Variants in ETHE1 observed in about 807,000 individuals in gnomAD.
The protein encoded by ETHE1 is persulfide dioxygenase ETHE1, mitochondrial.
ETHE1 carries 16 observed loss-of-function variants against 25.7 expected under a neutral mutation model. The ratio of observed to expected loss-of-function variants is 0.62; its 90% CI spans 0.42 to 0.95. The LOEUF is 0.95. Ranked by LOEUF, ETHE1 falls within the 40% of genes least tolerant of loss-of-function variation. ETHE1 has a pLI of 0.00. For synonymous variants in ETHE1, 139 were observed against 135.9 expected, an observed-to-expected ratio of 1.02 and a Z score of -0.16; for missense variants, 300 against 333.6, an observed-to-expected ratio of 0.90 and a Z score of 0.79.
At chr19:43,509,376 A>T (rs1971860544) in intron 4 of ETHE1, among the ~76,000 whole-genome samples, 1 of 152,040 alleles carries the variant, frequency 6.6e-6, no homozygotes, top group Non-Finnish European at 1.5e-5. Context: ...CCATGCCTGT[A>T]ATCCCAGCTA....
intron 3 of ETHE1, among the ~76,000 whole-genome samples, chr19:43,521,457 G>A (rs1972137384): frequency 6.6e-6 from 1 of 152,152 alleles, no homozygotes; most frequent in Non-Finnish European, 1.5e-5. Flanking sequence ...GAGCAAGGGT[G>A]TCTCTGGGCT....
intron 3 of ETHE1, among the ~76,000 whole-genome samples, chr19:43,520,671 G>A (rs1036316650): frequency 1.3e-5 from 2 of 151,216 alleles, no homozygotes; most frequent in Non-Finnish European, 2.9e-5. Flanking sequence ...CTGCACTCCA[G>A]CCTGGATGAC....
intron 6 of ETHE1, among the ~76,000 whole-genome samples, chr19:43,507,393 CT>C (rs1971802245): frequency 1.8e-4 from 8 of 45,552 alleles, no homozygotes; most frequent in Non-Finnish European, 2.4e-4. Context: ...AGGCCCCCAG[CT>C]CCTCCTCCCC....
chr19:43,526,166 C>A, intron 3 of ETHE1, 35 bp downstream of exon 3: 7 of 1,614,010 alleles, frequency 4.3e-6, no homozygotes, highest in Non-Finnish European at 5.9e-6. Flanking sequence ...GAAGTCCAGG[C>A]CACCACCCTC....
At chr19:43,521,372 G>A (rs1053676755) in intron 3 of ETHE1, among the ~76,000 whole-genome samples, 9 of 152,044 alleles carry the variant, frequency 5.9e-5, no homozygotes, top group Middle Eastern at 3.4e-3. Context: ...GCCTTGTAGC[G>A]TCATCATGTA....
intron 3 of ETHE1, among the ~76,000 whole-genome samples, chr19:43,520,913 G>A (rs1972126128): frequency 6.6e-6 from 1 of 152,002 alleles, no homozygotes; most frequent in African/African-American, 2.4e-5. Flanking sequence ...TGATTCTAAG[G>A]GACCTGGGGG....
Position 43,508,889 on chromosome 19 carries a change from A to G in ETHE1, c.506-25T>C, listed in dbSNP as rs776316185. On this transcript the variant is annotated intron_variant, in intron 4 of 6. Coordinates refer to ENST00000292147, the MANE Select transcript of ETHE1 (RefSeq NM_014297.5). ...CCTGGGGAAGGAAAGATCAGAGGTC[A>G]GTGGATCAACAGGACAGAAGACTCT... The G allele has an allele frequency of 1.1e-5, 18 of 1,565,750 alleles. 1 individual carries two copies. Among genetic ancestry groups the G allele is most frequent in the African/African-American group, 4.0e-5 (3 of 74,212 alleles).
chr19:43,521,050 G>C (rs537221296), intron 3 of ETHE1, among the ~76,000 whole-genome samples: 5 of 152,138 alleles, frequency 3.3e-5, no homozygotes, highest in Admixed American at 2.0e-4. Flanking sequence ...AAGAAAACTT[G>C]GGCCAGGTGC....
At chr19:43,511,687 A>T (rs1971921772) in intron 3 of ETHE1, 121 bp from the exon 4 acceptor site, 1 of 1,107,868 alleles carries the variant, frequency 9.0e-7, no homozygotes, top group African/African-American at 1.6e-5. Flanking sequence ...AAAAATGTAG[A>T]TTCCCAGGCT....
chr19:43,511,338 A>T (rs936527831), intron 4 of ETHE1, 99 bp downstream of exon 4: 1 of 1,567,340 alleles, frequency 6.4e-7, no homozygotes, highest in African/African-American at 1.4e-5. Context: ...GCCCCCTAAA[A>T]GTCTAATGTC....
chr19:43,512,683 T>C (rs546971738), intron 3 of ETHE1, among the ~76,000 whole-genome samples: 1 of 152,188 alleles, frequency 6.6e-6, no homozygotes, highest in Non-Finnish European at 1.5e-5. Context: ...AATTGGAACC[T>C]ATGTTTAAAA....
At chr19:43,516,132 C>G (rs1248872975) in intron 3 of ETHE1, among the ~76,000 whole-genome samples, 1 of 152,102 alleles carries the variant, frequency 6.6e-6, no homozygotes, top group African/African-American at 2.4e-5. Context: ...AAAGTGAAAC[C>G]ACAGGTAAAG....
chr19:43,517,020 C>T lies in ETHE1; in HGVS notation c.376-5454G>A, dbSNP rs536746198. Among the ~76,000 whole-genome samples, 19 of 151,506 alleles carry T rather than the reference C, an allele frequency of 1.3e-4. 1 individual carries two copies. The East Asian group carries it at 3.5e-3, about 28-fold the overall frequency. The stretch of plus-strand genomic sequence containing the variant: ...TTTTTCTTCAGTAAAGATGGGCTCT[C>T]ACTATGTTGACCAGCCTGGTCTTGA... On this transcript the variant is annotated intron_variant, in intron 3 of 6. Coordinates refer to ENST00000292147, the MANE Select transcript of ETHE1 (RefSeq NM_014297.5).
At position 43,526,633 on chromosome 19, in the gene ETHE1, G is replaced by A. The variant is rs1479718914; in HGVS notation, c.108C>T (p.Phe36=). The A allele has an allele frequency of 5.0e-5, 81 of 1,613,924 alleles. No homozygotes were observed. Among genetic ancestry groups the A allele is most frequent in the Non-Finnish European group, 6.7e-5 (79 of 1,180,030 alleles). The change falls in exon 2 of 7, where the codon TTC becomes TTT. Residue 36 remains phenylalanine, a synonymous_variant. Coordinates refer to ENST00000292147, the MANE Select transcript of ETHE1 (RefSeq NM_014297.5). Reference sequence around the variant, plus strand: ...ACTCTCTGTCACCCAGCAGGTACGTGAAGGTGCAGCTCACAGGCTCGAACA... The same window carrying A: ...ACTCTCTGTCACCCAGCAGGTACGTAAAGGTGCAGCTCACAGGCTCGAACA... The part of the protein sequence containing the change: ...RQMFEPVSCT[F]TYLLGDRESR...
At chr19:43,515,939 A>G (rs1401825504) in intron 3 of ETHE1, among the ~76,000 whole-genome samples, 1 of 152,110 alleles carries the variant, frequency 6.6e-6, no homozygotes, top group Non-Finnish European at 1.5e-5. Context: ...AATGGGTAAC[A>G]TACTCCTATA....
chr19:43,508,964 A>C (rs1599984948), intron 4 of ETHE1, 100 bp from the exon 5 acceptor site: 21 of 905,498 alleles, frequency 2.3e-5, no homozygotes. Context: ...CTATAGCTAA[A>C]CCCTCTCCTT....
intron 3 of ETHE1, among the ~76,000 whole-genome samples, chr19:43,516,623 CTTTTTT>C (rs71169249): frequency 1.8e-5 from 2 of 110,172 alleles, no homozygotes; most frequent in Non-Finnish European, 1.7e-5. Flanking sequence ...TTCTTTTTTT[CTTTTTT>C]TTTTTTTTTT....
At chr19:43,516,623 C>CTTTTTTTTTTTTTTT (rs71169249) in intron 3 of ETHE1, among the ~76,000 whole-genome samples, 3 of 110,172 alleles carry the variant, frequency 2.7e-5, no homozygotes, top group African/African-American at 3.5e-5. Context: ...TTCTTTTTTT[C>CTTTTTTTTTTTTTTT]TTTTTTTTTT....
intron 4 of ETHE1, among the ~76,000 whole-genome samples, chr19:43,510,793 G>A (rs1971899159): frequency 6.6e-6 from 1 of 151,964 alleles, no homozygotes; most frequent in African/African-American, 2.4e-5. Context: ...TCTAGCATGG[G>A]GGTCCTTAAC....
Sources: gnomAD v4.1 joint callset for allele counts (sites outside exome capture counted in the v4.1 genomes callset) on GRCh38, gnomAD v4.1.1 for gene constraint, MANE v1.5 for transcripts, NCBI Gene and HGNC (gene_info 2026-07-23, HGNC 2026-07-21) for gene names.